The following PRDM10 variants were observed in gnomAD, a reference collection of about 807,000 sequenced individuals.
The protein encoded by PRDM10 is PR domain zinc finger protein 10.
In PRDM10, 65 loss-of-function variants were observed where a neutral mutation model predicts 133.1. The observed-to-expected ratio is 0.49, with a 90% CI of 0.40 to 0.60. The LOEUF (loss-of-function observed/expected upper bound fraction) is 0.60. Ranked by LOEUF, PRDM10 falls within the 20% of genes least tolerant of loss-of-function variation. PRDM10 has a pLI of 0.00. For synonymous variants in PRDM10, 582 were observed against 580.4 expected, an observed-to-expected ratio of 1.00 and a Z score of -0.04; for missense variants, 1,137 against 1,507.1, an observed-to-expected ratio of 0.75 and a Z score of 4.07.
chr11:129,970,205 A>T (rs1157712399), intron 1 of PRDM10, among the ~76,000 whole-genome samples: 3 of 152,178 alleles, frequency 2.0e-5, no homozygotes, highest in African/African-American at 4.8e-5. Flanking sequence ...AAGGAAGGGA[A>T]CTCTGGCACA....
At position 129,928,402 on chromosome 11, in the gene PRDM10, T is replaced by G. The variant is rs553290658; in HGVS notation, c.1530+2614A>C. ...TTGTTGATTTGGGGTTTTGGGGGGGTTTTTTGAGACATGGTCTCACTCCAT... is the reference window on the plus strand; with the variant it reads ...TTGTTGATTTGGGGTTTTGGGGGGGGTTTTTGAGACATGGTCTCACTCCAT... On this transcript the variant is annotated intron_variant, in intron 11 of 20. Coordinates refer to ENST00000360871, the MANE Select transcript of PRDM10 (RefSeq NM_199437.2). 4.0e-3 allele frequency among the ~76,000 whole-genome samples: 601 copies of G among 150,318 alleles called. 5 individuals carry two copies. The highest frequency in any genetic ancestry group is 5.1e-3 in the Non-Finnish European group (345 of 67,506).
At chr11:129,942,734 C>T (rs1372896060) in intron 6 of PRDM10, 105 bp from the exon 7 acceptor site, 5 of 1,001,042 alleles carry the variant, frequency 5.0e-6, no homozygotes, top group Non-Finnish European at 7.4e-6. Flanking sequence ...ATTAACTATA[C>T]ATCCTGGCTC....
At position 129,916,135 on chromosome 11, in the gene PRDM10, A is replaced by C. The variant is rs567042721; in HGVS notation, c.2326-275T>G. On this transcript the variant is annotated intron_variant, in intron 15 of 20. Transcript: ENST00000360871. ...AAATACCCTTTATCCTAAAGTTTAA[A>C]ATTTGGATATGATACACAGACAGAG... Among the ~76,000 whole-genome samples the C allele has an allele frequency of 1.1e-4, 17 of 152,312 alleles. No individual in the cohort carries two copies. In the South Asian group the frequency reaches 2.7e-3, roughly 24 times the overall value.
chr11:129,995,504 A>T (rs757677867), intron 1 of PRDM10, among the ~76,000 whole-genome samples: 3 of 152,234 alleles, frequency 2.0e-5, no homozygotes, highest in Non-Finnish European at 4.4e-5. Flanking sequence ...GCTAGTCCCT[A>T]TTAGAAGGAC....
Position 129,960,902 on chromosome 11 carries a change from G to C in PRDM10, c.63C>G (p.Ala21=), listed in dbSNP as rs781017702. Residue 21 remains alanine (A), a synonymous_variant, in exon 2 of 21, where the codon GCC becomes GCG. Coordinates refer to ENST00000360871, the MANE Select transcript of PRDM10 (RefSeq NM_199437.2). The stretch of plus-strand genomic sequence containing the variant: ...GGAAAAGACCAGTCTTCACCTGTGC[G>C]GCATTCTGTTCATGCTCTGCAGATG... ...WPTSAEHEQN[A]AQVHFVPDTG... is the part of the protein sequence containing the mutation. 3.1e-6 allele frequency: 5 copies of C among 1,613,928 alleles called. No homozygotes were observed. The African/African-American group carries it at 6.7e-5, about 22-fold the overall frequency.
intron 7 of PRDM10, among the ~76,000 whole-genome samples, chr11:129,941,010 T>C (rs934842987): frequency 6.6e-5 from 10 of 152,244 alleles, no homozygotes; most frequent in Admixed American, 4.6e-4. Flanking sequence ...CAGGAATTTA[T>C]TGGCATACAT....
rs1296511654 is a variant in PRDM10 at position 129,947,821 on chromosome 11, T to C, written c.295-451A>G. On this transcript the variant is annotated intron_variant, in intron 4 of 20. Transcript: ENST00000360871. The surrounding 1 kb of genome is among the most constrained non-coding windows in gnomAD (Gnocchi z 4.6). Reference sequence around the variant, plus strand: ...TCAAATAGGTAAGCAACAGACCGTTTCGATGTGTGCACATGTGAGGTATCA... The same window carrying C: ...TCAAATAGGTAAGCAACAGACCGTTCCGATGTGTGCACATGTGAGGTATCA... Among the ~76,000 whole-genome samples the C allele has an allele frequency of 6.6e-6, 1 of 152,198 alleles. No homozygotes were observed. Among genetic ancestry groups the C allele is most frequent in the Non-Finnish European group, 1.5e-5 (1 of 68,040 alleles).
chr11:129,912,329 G>T (rs141107874), intron 17 of PRDM10, 104 bp from the exon 18 acceptor site: 38 of 1,253,972 alleles, frequency 3.0e-5, no homozygotes, highest in Non-Finnish European at 3.9e-5. Flanking sequence ...TCCTGGCCGG[G>T]TGCAGTGGCT....
chr11:129,989,424 C>T (rs904708562), intron 1 of PRDM10, among the ~76,000 whole-genome samples: 1 of 152,210 alleles, frequency 6.6e-6, no homozygotes, highest in Non-Finnish European at 1.5e-5. Flanking sequence ...GGTCACAAGA[C>T]AGCTGGTGGG....
Position 129,960,926 on chromosome 11 carries a change from T to C in PRDM10, c.39A>G (p.Thr13=), listed in dbSNP as rs367805024. The C allele has an allele frequency of 2.4e-5, 38 of 1,614,192 alleles. No individual in the cohort carries two copies. The Admixed American group carries it at 6.0e-4, about 25-fold the overall frequency. Residue 13 remains threonine, a synonymous_variant, in exon 2 of 21, where the codon ACA becomes ACG. Coordinates refer to ENST00000360871, the MANE Select transcript of PRDM10 (RefSeq NM_199437.2). ...SKDESSHVWP[T]SAEHEQNAAQ... is the part of the protein sequence containing the mutation. ...CGGCATTCTGTTCATGCTCTGCAGA[T>C]GTCGGCCACACATGCGAGCTTTCAT...
rs1332200509 is a variant in PRDM10, at chr11:129,911,985, C to T, written c.2982+100G>A. ...AATAAAAATCCAAAAATAACAGTAG[C>T]TGAGGAGACTAGGTCTGAAGAGAAT... On this transcript the variant is annotated intron_variant, in intron 18 of 20. Transcript: ENST00000360871. The T allele has an allele frequency of 3.7e-6, 5 of 1,352,272 alleles. No individual in the cohort carries two copies. The Admixed American group carries it at 8.2e-5, about 22-fold the overall frequency. 83.8% of individuals were successfully genotyped at this position (1,352,272 alleles called of 1,614,324 possible).
chr11:129,998,489 A>T (rs1939177422), intron 1 of PRDM10, among the ~76,000 whole-genome samples: 1 of 152,264 alleles, frequency 6.6e-6, no homozygotes, highest in East Asian at 1.9e-4. Context: ...GTTAGCAGAC[A>T]GTAACCTTTT....
At chr11:129,931,571 ATTTTAT>A (rs1200391864) in intron 10 of PRDM10, among the ~76,000 whole-genome samples, 1 of 135,480 alleles carries the variant, frequency 7.4e-6, no homozygotes, top group African/African-American at 2.7e-5. Flanking sequence ...ATTTTATTTT[ATTTTAT>A]TTTTTTTTTG....
intron 1 of PRDM10, among the ~76,000 whole-genome samples, chr11:129,962,046 A>C (rs2135926698): frequency 6.6e-6 from 1 of 152,232 alleles, no homozygotes; most frequent in Non-Finnish European, 1.5e-5. Context: ...AGGGAGCTAC[A>C]TTTTCTGCGT....
intron 1 of PRDM10, among the ~76,000 whole-genome samples, chr11:129,997,723 T>C (rs1358942419): frequency 6.6e-6 from 1 of 152,266 alleles, no homozygotes; most frequent in Non-Finnish European, 1.5e-5. Context: ...GCTCAACTTT[T>C]TTTAATGGAT....
intron 1 of PRDM10, among the ~76,000 whole-genome samples, chr11:129,967,192 CAGCCTGGCCAACA>C (rs747488408): frequency 5.9e-5 from 9 of 152,202 alleles, no homozygotes; most frequent in Non-Finnish European, 1.2e-4. Flanking sequence ...AGTTCGAGAC[CAGCCTGGCCAACA>C]TGGTGAAACC....
intron 4 of PRDM10, among the ~76,000 whole-genome samples, chr11:129,949,329 T>C (rs1424898705): frequency 6.6e-6 from 1 of 152,214 alleles, no homozygotes; most frequent in Non-Finnish European, 1.5e-5. Context: ...GGTTGTTGTA[T>C]TAAGTGAAAC....
chr11:129,912,726 T>G (rs1241196219), intron 17 of PRDM10, among the ~76,000 whole-genome samples: 11 of 137,470 alleles, frequency 8.0e-5, no homozygotes, highest in Non-Finnish European at 1.4e-4. Flanking sequence ...CACTCCAGCC[T>G]GGGCGACAGA....
chr11:129,946,833 T>C (rs1357903954), intron 5 of PRDM10, among the ~76,000 whole-genome samples: 2 of 152,064 alleles, frequency 1.3e-5, no homozygotes, highest in African/African-American at 4.8e-5. Context: ...ACCATGGTGG[T>C]TTGGTAGCTG....
Sources: allele counts gnomAD v4.1 joint callset (sites outside exome capture counted in the v4.1 genomes callset), GRCh38; gene constraint gnomAD v4.1.1; non-coding constraint Gnocchi (gnomAD v3.1); transcripts MANE v1.5; gene names NCBI Gene and HGNC (gene_info 2026-07-23, HGNC 2026-07-21).